Variants in XIST observed in about 807,000 individuals in gnomAD.
The protein encoded by XIST is X inactive specific transcript (non-protein coding).
chrX:73,821,305 T>C (rs762121336), exon 6 of XIST: 5 of 555,450 alleles, frequency 9.0e-6, no homozygotes, highest in Admixed American at 2.2e-5. Flanking sequence ...TGGCTTGCTA[T>C]AGAAACTACA....
chrX:73,844,433 G>A (rs746825031), exon 1 of XIST: 1 of 558,899 alleles, frequency 1.8e-6, no homozygotes, highest in Admixed American at 2.2e-5. Flanking sequence ...GCCAAGCAAA[G>A]AGGCCTCAGT....
chrX:73,847,056 C>A (rs6527), exon 1 of XIST: 35,193 of 557,207 alleles, frequency 0.063, 1,256 homozygotes, highest in African/African-American at 0.21. Context: ...GTATATAACA[C>A]CTAAGATTAT....
chrX:73,841,522 T>C, exon 1 of XIST: 1 of 558,692 alleles, frequency 1.8e-6, no homozygotes, highest in Non-Finnish European at 3.2e-6. Context: ...AGAACTGCTG[T>C]TGTGATGACT....
exon 6 of XIST, chrX:73,823,546 C>A: frequency 1.8e-6 from 1 of 556,958 alleles, no homozygotes; most frequent in Non-Finnish European, 3.2e-6. Flanking sequence ...TCAAATGAAT[C>A]AAAAAGCACG....
At position 73,843,796 on chromosome X, in the gene XIST, A is replaced by G. The variant is rs761807929; in HGVS notation, n.8928T>C. 1.3e-5 allele frequency: 7 copies of G among 559,076 alleles called. No individual in the cohort carries two copies. In the African/African-American group the frequency reaches 1.3e-4, roughly 11 times the overall value. The allele number at this position is 559,076 out of a possible 1,213,427, so 46.1% of individuals were successfully genotyped here. A position where few individuals can be genotyped will look rare whatever the true frequency, so the allele number is the denominator to read the frequency against. On this transcript the variant is annotated non_coding_transcript_exon_variant, in exon 1 of 6. Coordinates refer to ENST00000429829, the Ensembl canonical transcript of XIST. ...AGGATCCTTATCTAGTGCACAGATC[A>G]GGAGCAAATGTAATTGCACATATTA...
At chrX:73,841,379 T>C (rs201300176) in intron 1 of XIST, 3 of 507,581 alleles carry the variant, frequency 5.9e-6, no homozygotes, top group Non-Finnish European at 1.0e-5. Context: ...AAGTAGTACT[T>C]ACAGTATTCT....
chrX:73,827,030 G>A, exon 6 of XIST: 1 of 558,551 alleles, frequency 1.8e-6, no homozygotes, highest in Non-Finnish European at 3.2e-6. Context: ...ATCTATCTTG[G>A]AACATGGGCT....
At chrX:73,831,305 A>G (rs1237338173) in intron 3 of XIST, 2 of 498,611 alleles carry the variant, frequency 4.0e-6, no homozygotes, top group South Asian at 5.4e-5. Context: ...AAGTATTGAA[A>G]TGCAGTACAC....
chrX:73,842,517 G>T, exon 1 of XIST: 3 of 557,748 alleles, frequency 5.4e-6, no homozygotes, highest in Non-Finnish European at 9.7e-6. Flanking sequence ...ATGAGTGAAG[G>T]CTTATCCACC....
chrX:73,850,304 G>A (rs897395824), exon 1 of XIST: 1 of 550,156 alleles, frequency 1.8e-6, no homozygotes, highest in Admixed American at 2.3e-5. Flanking sequence ...AATTTGTAAT[G>A]AGAAGCTAAA....
rs1387106043 is a variant in XIST, at chrX:73,821,046, T to C, written n.18855A>G. The C allele has an allele frequency of 5.4e-6, 3 of 558,987 alleles. No homozygotes were observed. In the East Asian group the frequency reaches 9.7e-5, roughly 18 times the overall value. 46.1% of individuals were successfully genotyped at this position (558,987 alleles called of 1,213,427 possible). Reference sequence around the variant, plus strand: ...TGCCAGAAACTGTGAAAGGAAGGCTTTTAGTTACTTTCTTCTTTCCATTTT... The same window carrying C: ...TGCCAGAAACTGTGAAAGGAAGGCTCTTAGTTACTTTCTTCTTTCCATTTT... On this transcript the variant is annotated non_coding_transcript_exon_variant, in exon 6 of 6. Transcript: ENST00000429829.
exon 1 of XIST, chrX:73,852,680 C>G: frequency 2.2e-6 from 1 of 463,206 alleles, no homozygotes; most frequent in Admixed American, 3.8e-5. Flanking sequence ...GATCTTCAGT[C>G]AGGAAGCTTC....
Position 73,826,742 on chromosome X carries a change from T to A in XIST, n.13159A>T, listed in dbSNP as rs758926828. On this transcript the variant is annotated non_coding_transcript_exon_variant, in exon 6 of 6. Coordinates refer to ENST00000429829, the Ensembl canonical transcript of XIST. Reference sequence around the variant, plus strand: ...CGGCCGTTAGTCTTGAGATACCTTTTTCGCTTGGGTCCTCTATCCATCTAG... The same window carrying A: ...CGGCCGTTAGTCTTGAGATACCTTTATCGCTTGGGTCCTCTATCCATCTAG... 3 of 558,764 alleles carry A rather than the reference T, an allele frequency of 5.4e-6. No individual in the cohort carries two copies. The East Asian group carries it at 9.7e-5, about 18-fold the overall frequency. 46.0% of individuals were successfully genotyped at this position (558,764 alleles called of 1,213,427 possible).
intron 2 of XIST, among the ~76,000 whole-genome samples, chrX:73,836,778 G>A (rs1922491383): frequency 9.0e-6 from 1 of 110,972 alleles, no homozygotes; most frequent in Admixed American, 9.7e-5. Flanking sequence ...CCAGGCAGGA[G>A]ATATGCAAAT....
At chrX:73,831,438 A>G in intron 3 of XIST, 1 of 335,785 alleles carries the variant, frequency 3.0e-6, no homozygotes, top group Non-Finnish European at 5.1e-6. Flanking sequence ...CTGGCTACCA[A>G]CTTAGCAAAA....
chrX:73,833,431 G>A lies in XIST; in HGVS notation n.11407-57C>T, dbSNP rs1922423772. On this transcript the variant is annotated intron_variant and non_coding_transcript_variant, in intron 2 of 5. Transcript: ENST00000429829. The stretch of plus-strand genomic sequence containing the variant: ...CCAAAGCACCGGTAGGATACCAAAA[G>A]AGTTACAAAAACCCCAATGAAAAAA... 4 of 496,108 alleles carry A rather than the reference G, an allele frequency of 8.1e-6. No individual in the cohort carries two copies. In the Admixed American group the frequency reaches 1.1e-4, roughly 14 times the overall value. 40.9% of individuals were successfully genotyped at this position (496,108 alleles called of 1,213,427 possible).
At chrX:73,831,798 C>T (rs1489046362) in intron 3 of XIST, among the ~76,000 whole-genome samples, 2 of 112,121 alleles carry the variant, frequency 1.8e-5, no homozygotes, top group African/African-American at 6.5e-5. Flanking sequence ...TTATAAAGAG[C>T]TATTTTAAGA....
At chrX:73,828,710 G>C (rs1177645870) in intron 5 of XIST, 1 of 124,579 alleles carries the variant, frequency 8.0e-6, no homozygotes, top group African/African-American at 3.2e-5. Context: ...ACTGACGACA[G>C]AGTCTCTCAC....
exon 1 of XIST, chrX:73,850,323 G>A (rs369016526): frequency 4.8e-5 from 26 of 541,677 alleles, no homozygotes; most frequent in Non-Finnish European, 7.2e-5. Context: ...AAAACTTTAA[G>A]GAATTTTAAG....
Sources: allele counts gnomAD v4.1 joint callset (sites outside exome capture counted in the v4.1 genomes callset), GRCh38; gene constraint gnomAD v4.1.1; transcripts MANE v1.5; gene names NCBI Gene and HGNC (gene_info 2026-07-23, HGNC 2026-07-21).